The following STX8 variants were observed in gnomAD, a reference collection of about 807,000 sequenced individuals.
The protein encoded by STX8 is syntaxin 8, also known as syntaxin-8.
Under a neutral mutation model 37.5 loss-of-function variants are expected in STX8, and 23 were observed. The observed-to-expected ratio is 0.61, with a 90% CI of 0.44 to 0.87. The LOEUF (loss-of-function observed/expected upper bound fraction) is 0.87. Among genes scored for constraint, STX8 ranks in the 40% least tolerant of loss-of-function variants. The pLI is 0.00. For synonymous variants in STX8, 115 were observed against 99.1 expected, an observed-to-expected ratio of 1.16 and a Z score of -0.95; for missense variants, 313 against 284.7, an observed-to-expected ratio of 1.10 and a Z score of -0.71.
chr17:9,379,245 A>G (rs1911707681), intron 6 of STX8, among the ~76,000 whole-genome samples: 1 of 79,150 alleles, frequency 1.3e-5, no homozygotes, highest in African/African-American at 5.5e-5. Flanking sequence ...ACTCCATCTC[A>G]AAAAAAAAAA....
chr17:9,348,028 GAAAT>G (rs1381065079), intron 7 of STX8, among the ~76,000 whole-genome samples: 1 of 152,102 alleles, frequency 6.6e-6, no homozygotes, highest in Non-Finnish European at 1.5e-5. Context: ...AGGCTTTTGT[GAAAT>G]AAATAATGGT....
intron 7 of STX8, among the ~76,000 whole-genome samples, chr17:9,308,721 CAAAAAAAAAAAA>C (rs1171647976): frequency 8.4e-5 from 6 of 71,388 alleles, no homozygotes; most frequent in Non-Finnish European, 1.7e-4. Flanking sequence ...GAAACTCCGT[CAAAAAAAAAAAA>C]AAAAAAAAAA....
In STX8 at chr17:9,322,901, GA is replaced by G. The variant is rs796442636; in HGVS notation, c.643+55650del. Among the ~76,000 whole-genome samples the G allele has an allele frequency of 6.0e-3, 777 of 129,774 alleles. 5 individuals carry two copies. The highest frequency in any genetic ancestry group is 0.019 in the African/African-American group (667 of 35,508). The allele number at this position is 129,774 out of a possible 152,430, so 85.1% of individuals were successfully genotyped here. A position where few individuals can be genotyped will look rare whatever the true frequency, so the allele number is the denominator to read the frequency against. ...AGTTGTATTCCATTCCTTTTATGAG[GA>G]AAAAAAAAAACACAAACACACACAC... On this transcript the variant is annotated intron_variant, in intron 7 of 7. Transcript: ENST00000306357.
At chr17:9,254,209 C>T (rs1306514189) in intron 7 of STX8, among the ~76,000 whole-genome samples, 1 of 152,166 alleles carries the variant, frequency 6.6e-6, no homozygotes, top group African/African-American at 2.4e-5. Flanking sequence ...CTCCGGTGCC[C>T]CCAACAGGCT....
At chr17:9,326,508 T>A (rs1470077012) in intron 7 of STX8, among the ~76,000 whole-genome samples, 1 of 152,210 alleles carries the variant, frequency 6.6e-6, no homozygotes, top group East Asian at 1.9e-4. Context: ...AAATTCCTTT[T>A]GCACTTATGT....
At chr17:9,449,977 A>C (rs1184531603) in intron 6 of STX8, among the ~76,000 whole-genome samples, 1 of 151,934 alleles carries the variant, frequency 6.6e-6, no homozygotes, top group Admixed American at 6.6e-5. Flanking sequence ...AAATAAATAA[A>C]GGAGAATGAA....
intron 7 of STX8, among the ~76,000 whole-genome samples, chr17:9,360,127 C>A (rs1261068759): frequency 6.6e-6 from 1 of 151,476 alleles, no homozygotes; most frequent in African/African-American, 2.4e-5. Context: ...TTTAACCTTG[C>A]CATAATTTAA....
chr17:9,568,577 T>G, intron 1 of STX8, 107 bp from the exon 2 acceptor site: 1 of 813,976 alleles, frequency 1.2e-6, no homozygotes, highest in Non-Finnish European at 1.9e-6. Flanking sequence ...CTCAGCTCAC[T>G]GCAAGCTCTG....
intron 4 of STX8, among the ~76,000 whole-genome samples, chr17:9,510,644 C>CA (rs1421438560): frequency 6.6e-6 from 1 of 151,898 alleles, no homozygotes; most frequent in Non-Finnish European, 1.5e-5. Flanking sequence ...AAGTGTATAA[C>CA]AATAAATGCC....
intron 6 of STX8, among the ~76,000 whole-genome samples, chr17:9,447,703 G>A (rs7215004): frequency 0.7 from 106,589 of 151,746 alleles, 37,522 homozygotes; most frequent in Middle Eastern, 0.79. Context: ...GATTACAGGC[G>A]TGAGCCACCA....
chr17:9,535,692 A>C (rs548384344), intron 4 of STX8, among the ~76,000 whole-genome samples: 22 of 152,050 alleles, frequency 1.4e-4, no homozygotes, highest in Admixed American at 3.9e-4. Flanking sequence ...TTGGCCTCCC[A>C]AAGTGCTGGG....
At chr17:9,500,545 T>C (rs1227095217) in intron 5 of STX8, among the ~76,000 whole-genome samples, 1 of 152,162 alleles carries the variant, frequency 6.6e-6, no homozygotes, top group East Asian at 1.9e-4. Context: ...GAGAGTACTC[T>C]GTAGATCTGC....
chr17:9,520,049 G>C (rs561641990), intron 4 of STX8, among the ~76,000 whole-genome samples: 1 of 152,190 alleles, frequency 6.6e-6, no homozygotes, highest in Admixed American at 6.5e-5. Context: ...TGAGGGAAGA[G>C]GCCACATGAC....
intron 6 of STX8, among the ~76,000 whole-genome samples, chr17:9,463,206 G>A (rs1376267681): frequency 6.6e-6 from 1 of 152,106 alleles, no homozygotes. Flanking sequence ...TTAATTCTCT[G>A]AGTCTCAGTT....
At chr17:9,278,987 T>C (rs9902293) in intron 7 of STX8, among the ~76,000 whole-genome samples, 4 of 152,108 alleles carry the variant, frequency 2.6e-5, no homozygotes, top group African/African-American at 9.7e-5. Flanking sequence ...TCCATACCCC[T>C]CTCTAATCCC....
At chr17:9,533,186 G>A (rs1905885800) in intron 4 of STX8, among the ~76,000 whole-genome samples, 1 of 152,206 alleles carries the variant, frequency 6.6e-6, no homozygotes, top group South Asian at 2.1e-4. Context: ...TTGCTTGCAG[G>A]CTGGTCACGA....
At position 9,460,683 on chromosome 17, in the gene STX8, A is replaced by AAC. The variant is rs1555529261; in HGVS notation, c.541+31145_541+31146insGT. 6.1e-5 allele frequency among the ~76,000 whole-genome samples: 9 copies of AAC among 148,542 alleles called. No homozygotes were observed. The South Asian group carries it at 6.2e-4, about 10-fold the overall frequency. ...AGTGAGACTCTGTCTCAAAAAAAAAAAAAAACAAAACAAAACTACTAAATT... is the reference window on the plus strand; with the variant it reads ...AGTGAGACTCTGTCTCAAAAAAAAAAACAAAAACAAAACAAAACTACTAAATT... On this transcript the variant is annotated intron_variant, in intron 6 of 7. Coordinates refer to ENST00000306357, the MANE Select transcript of STX8 (RefSeq NM_004853.3).
chr17:9,423,379 G>A (rs892617135), intron 6 of STX8, among the ~76,000 whole-genome samples: 10 of 152,204 alleles, frequency 6.6e-5, no homozygotes, highest in Admixed American at 1.3e-4. Flanking sequence ...AGGCTGGAAT[G>A]CAGTGGCACG....
intron 6 of STX8, among the ~76,000 whole-genome samples, chr17:9,456,975 A>G (rs967515669): frequency 3.3e-5 from 5 of 152,170 alleles, no homozygotes; most frequent in South Asian, 2.1e-4. Flanking sequence ...GTACGTATGC[A>G]TCTTGCTTAG....
Sources: gnomAD v4.1 joint callset for allele counts (sites outside exome capture counted in the v4.1 genomes callset) on GRCh38, gnomAD v4.1.1 for gene constraint, MANE v1.5 for transcripts, NCBI Gene and HGNC (gene_info 2026-07-23, HGNC 2026-07-21) for gene names.